MCM8: variants seen among roughly 807,000 people sequenced by gnomAD.
MCM8 encodes the protein minichromosome maintenance 8 homologous recombination repair factor, also known as DNA helicase MCM8.
In MCM8, 85 loss-of-function variants were observed where a neutral mutation model predicts 98.9. The observed-to-expected ratio is 0.86, with a 90% CI of 0.72 to 1.03. MCM8 has a LOEUF of 1.03. MCM8 is among the 50% of genes least tolerant of loss of function. The pLI is 0.00. For missense variants in MCM8, 951 were observed against 997.8 expected, an observed-to-expected ratio of 0.95 and a Z score of 0.63; for synonymous variants, 352 against 338.6, an observed-to-expected ratio of 1.04 and a Z score of -0.44.
chr20:5,993,108 T>C (rs2089885735), intron 17 of MCM8, among the ~76,000 whole-genome samples: 1 of 152,174 alleles, frequency 6.6e-6, no homozygotes, highest in Non-Finnish European at 1.5e-5. Context: ...ATACCTTTTA[T>C]TTAAAATACT....
chr20:5,989,057 G>A (rs558481775), intron 17 of MCM8, among the ~76,000 whole-genome samples: 17 of 150,582 alleles, frequency 1.1e-4, no homozygotes, highest in Non-Finnish European at 2.1e-4. Flanking sequence ...ATAAAGTGAC[G>A]AATACGGTTC....
intron 8 of MCM8, 50 bp from the exon 9 acceptor site, chr20:5,967,386 G>A: frequency 6.4e-7 from 1 of 1,552,820 alleles, no homozygotes; most frequent in East Asian, 2.3e-5. Context: ...ATATCTTGCA[G>A]AAACCATCCA....
chr20:5,978,535 G>T (rs1375132559), intron 13 of MCM8, among the ~76,000 whole-genome samples: 2 of 152,156 alleles, frequency 1.3e-5, no homozygotes, highest in Non-Finnish European at 2.9e-5. Context: ...CAGAGGACTT[G>T]CAATAGGAGA....
chr20:5,972,721 CTT>C, intron 11 of MCM8: 2 of 1,303,248 alleles, frequency 1.5e-6, no homozygotes, highest in South Asian at 2.5e-5. Context: ...GACCCAGCTA[CTT>C]TTGGTAAGAA....
chr20:5,952,673 T>A, intron 3 of MCM8, 145 bp downstream of exon 3: 1 of 717,038 alleles, frequency 1.4e-6, no homozygotes, highest in South Asian at 2.1e-5. Flanking sequence ...ATGATGTTTA[T>A]GTTTCAAAAG....
intron 7 of MCM8, among the ~76,000 whole-genome samples, chr20:5,962,964 G>A (rs2089186266): frequency 6.6e-6 from 1 of 152,188 alleles, no homozygotes; most frequent in African/African-American, 2.4e-5. Flanking sequence ...TTGAAGGAGC[G>A]AGAGGTGGCA....
Position 5,960,102 on chromosome 20 carries a change from T to C in MCM8, c.789+1376T>C, listed in dbSNP as rs940218850. 3.5e-4 allele frequency among the ~76,000 whole-genome samples: 54 copies of C among 152,238 alleles called. 3 individuals carry two copies. The highest frequency in any genetic ancestry group is 1.5e-5 in the Non-Finnish European group (1 of 68,036). ...TCTGTCTTTTCATTAACACTTGGTA[T>C]TGTTAGACTTGTACATTTTTGACAG... On this transcript the variant is annotated intron_variant, in intron 7 of 18. Coordinates refer to ENST00000610722, the MANE Select transcript of MCM8 (RefSeq NM_032485.6).
chr20:5,964,286 G>A (rs1229278090), intron 8 of MCM8, among the ~76,000 whole-genome samples: 1 of 152,112 alleles, frequency 6.6e-6, no homozygotes. Context: ...AAATGAGATG[G>A]TCCTAAGAAC....
rs75279906 is a variant in MCM8, at chr20:5,968,925, G to A, written c.1223+900G>A. Among the ~76,000 whole-genome samples, 1,634 of 152,278 alleles carry A rather than the reference G, an allele frequency of 0.011. 147 individuals are homozygous for A. In the East Asian group the frequency reaches 0.23, roughly 22 times the overall value. ...TTTATTTCCATGCTATTGCCATGCCGTGGAGAAGCAGCAAAGTATAGGCAT... is the reference window on the plus strand; with the variant it reads ...TTTATTTCCATGCTATTGCCATGCCATGGAGAAGCAGCAAAGTATAGGCAT... On this transcript the variant is annotated intron_variant, in intron 10 of 18. Coordinates refer to ENST00000610722, the MANE Select transcript of MCM8 (RefSeq NM_032485.6).
Position 5,958,720 on chromosome 20 carries a change from C to G in MCM8, c.783C>G (p.Pro261=). 6.2e-7 allele frequency: 1 copy of G among 1,613,966 alleles called. No homozygotes were observed. Residue 261 remains proline (P), a synonymous_variant, in exon 7 of 19, where the codon CCC becomes CCG. Transcript: ENST00000610722. ...TTCCAGATGGAAAATACAGTCTTCC[C>G]ACAAAGGTAATACGTTCTTTAACTG... ...FPLPDGKYSL[P]TKCPVPVCRG...
intron 8 of MCM8, among the ~76,000 whole-genome samples, chr20:5,964,866 T>C (rs1213268156): frequency 2.6e-4 from 40 of 151,982 alleles, no homozygotes; most frequent in Admixed American, 2.6e-3. Context: ...TTTAATAACA[T>C]GTGCATGTTT....
At position 5,962,639 on chromosome 20, in the gene MCM8, G is replaced by A. The variant is rs1398519413; in HGVS notation, c.790-635G>A. Among the ~76,000 whole-genome samples the A allele has an allele frequency of 5.8e-5, 4 of 68,564 alleles. 1 individual carries two copies. In the South Asian group the frequency reaches 2.0e-3, roughly 34 times the overall value. 45.0% of individuals were successfully genotyped at this position (68,564 alleles called of 152,430 possible). On this transcript the variant is annotated intron_variant, in intron 7 of 18. Transcript: ENST00000610722. ...TCCACCCGCCTCGGCCTCCCAAAGT[G>A]CTGGGATTACAGGCGTGAGCCACCG...
intron 3 of MCM8, among the ~76,000 whole-genome samples, chr20:5,953,372 A>G (rs2088882150): frequency 6.6e-6 from 1 of 152,052 alleles, no homozygotes; most frequent in Non-Finnish European, 1.5e-5. Flanking sequence ...ATCAGTCTGT[A>G]TAGGTGCAGG....
chr20:5,967,097 G>A (rs1378143100), intron 8 of MCM8, among the ~76,000 whole-genome samples: 1 of 152,168 alleles, frequency 6.6e-6, no homozygotes, highest in African/African-American at 2.4e-5. Context: ...TTGCCCATGT[G>A]TATTCTGGAC....
intron 9 of MCM8, 25 bp from the exon 10 acceptor site, chr20:5,967,805 T>A: frequency 6.4e-7 from 1 of 1,557,518 alleles, no homozygotes; most frequent in Non-Finnish European, 8.8e-7. Context: ...TACCAACTAT[T>A]GTATTTAACA....
Position 5,984,826 on chromosome 20 carries a change from G to A in MCM8, c.1779G>A (p.Leu593=). 6.2e-7 allele frequency: 1 copy of A among 1,613,962 alleles called. No individual in the cohort carries two copies. The highest frequency in any genetic ancestry group is 1.1e-5 in the South Asian group (1 of 91,078). Residue 593 remains leucine, a synonymous_variant, in exon 15 of 19, where the codon CTG becomes CTA. Coordinates refer to ENST00000610722, the MANE Select transcript of MCM8 (RefSeq NM_032485.6). ...CCAGATTTGATTTGGTCTTTATCCT[G>A]TTAGATACTCCAAATGAGCATCATG... is the stretch of plus-strand genomic sequence containing the variant. ...LLSRFDLVFI[L]LDTPNEHHDH...
chr20:5,986,387 G>C (rs2089736038), intron 16 of MCM8, among the ~76,000 whole-genome samples: 1 of 152,122 alleles, frequency 6.6e-6, no homozygotes, highest in South Asian at 2.1e-4. Context: ...CTGACTCTTA[G>C]GAGACTCCTG....
chr20:5,971,876 A>AG, intron 10 of MCM8, 131 bp from the exon 11 acceptor site: 2 of 654,476 alleles, frequency 3.1e-6, no homozygotes, highest in Non-Finnish European at 5.2e-6. Flanking sequence ...ATAAAATTTC[A>AG]GTTGAGGGGA....
At chr20:5,988,209 C>A (rs1282819242) in intron 17 of MCM8, among the ~76,000 whole-genome samples, 1 of 151,888 alleles carries the variant, frequency 6.6e-6, no homozygotes, top group African/African-American at 2.4e-5. Flanking sequence ...ACCTGTAATC[C>A]CAGCACTTTG....
Sources: allele counts gnomAD v4.1 joint callset (sites outside exome capture counted in the v4.1 genomes callset), GRCh38; gene constraint gnomAD v4.1.1; transcripts MANE v1.5; gene names NCBI Gene and HGNC (gene_info 2026-07-23, HGNC 2026-07-21).